Variants in CALN1 observed in about 807,000 individuals in gnomAD.
CALN1 encodes the protein calcium-binding protein 8.
A neutral mutation model predicts 30.6 loss-of-function variants in CALN1; 17 were observed. The observed-to-expected ratio is 0.56, with a 90% CI of 0.38 to 0.83. The LOEUF is 0.83. Ranked by LOEUF, CALN1 falls within the 40% of genes least tolerant of loss-of-function variation. The pLI, the probability that CALN1 is intolerant of heterozygous loss-of-function variation, is 0.00. For synonymous variants in CALN1, 156 were observed against 131.4 expected (o/e 1.19, Z -1.28); for missense variants, 291 against 354.9 (o/e 0.82, Z 1.45).
At position 72,350,621 on chromosome 7, in the gene CALN1, C is replaced by G. The variant is rs1032184289; in HGVS notation, c.119+52630G>C. On this transcript the variant is annotated intron_variant, in intron 2 of 6. Coordinates refer to ENST00000395275, the MANE Select transcript of CALN1 (RefSeq NM_031468.4). ...AGGAAGAGAACAACAGACACCAGGGCCTATTTGAGGGTGGAGCAGGAGGAA... is the reference window on the plus strand; with the variant it reads ...AGGAAGAGAACAACAGACACCAGGGGCTATTTGAGGGTGGAGCAGGAGGAA... Among the ~76,000 whole-genome samples the G allele has an allele frequency of 5.3e-5, 8 of 152,098 alleles. No homozygotes were observed. In the East Asian group the frequency reaches 9.7e-4, roughly 18 times the overall value.
chr7:72,163,978 T>C (rs1436165316), intron 3 of CALN1, among the ~76,000 whole-genome samples: 1 of 150,978 alleles, frequency 6.6e-6, no homozygotes, highest in Non-Finnish European at 1.5e-5. Flanking sequence ...AGAAAGGAGA[T>C]AAAAGATCAA....
intron 5 of CALN1, among the ~76,000 whole-genome samples, chr7:71,925,316 T>G (rs1795208764): frequency 6.6e-6 from 1 of 151,396 alleles, no homozygotes; most frequent in African/African-American, 2.4e-5. Flanking sequence ...GAAGAAAGAT[T>G]GATTTATATT....
intron 3 of CALN1, among the ~76,000 whole-genome samples, chr7:72,163,770 T>C (rs945410380): frequency 5.3e-5 from 8 of 152,140 alleles, no homozygotes; most frequent in African/African-American, 1.4e-4. Flanking sequence ...AACATATTGA[T>C]GGAGATTCAG....
intron 3 of CALN1, among the ~76,000 whole-genome samples, chr7:72,207,085 A>G (rs1449560162): frequency 6.6e-6 from 1 of 152,222 alleles, no homozygotes; most frequent in African/African-American, 2.4e-5. Context: ...CCAGAAAGAA[A>G]AAGATGCTAA....
At chr7:72,260,687 A>G (rs1796205525) in intron 3 of CALN1, among the ~76,000 whole-genome samples, 1 of 152,034 alleles carries the variant, frequency 6.6e-6, no homozygotes, top group Non-Finnish European at 1.5e-5. Context: ...GGTGCTGGCT[A>G]AGCCATTGCA....
intron 5 of CALN1, among the ~76,000 whole-genome samples, chr7:71,932,952 G>A (rs1026957815): frequency 1.3e-5 from 2 of 152,088 alleles, no homozygotes; most frequent in African/African-American, 4.8e-5. Flanking sequence ...ATTGATGTAG[G>A]AGTTAAGAAG....
chr7:71,903,283 A>G (rs1281672232), intron 5 of CALN1, among the ~76,000 whole-genome samples: 1 of 152,144 alleles, frequency 6.6e-6, no homozygotes, highest in Non-Finnish European at 1.5e-5. Context: ...CAGGCATCAC[A>G]TTACCTAACT....
intron 4 of CALN1, among the ~76,000 whole-genome samples, chr7:72,058,723 A>T (rs1293482981): frequency 1.3e-5 from 2 of 152,240 alleles, no homozygotes; most frequent in Non-Finnish European, 2.9e-5. Flanking sequence ...GAACTGAAAT[A>T]GTGGAGAAGA....
chr7:72,385,707 C>G (rs960232196), intron 2 of CALN1, among the ~76,000 whole-genome samples: 2 of 152,140 alleles, frequency 1.3e-5, no homozygotes, highest in African/African-American at 4.8e-5. Flanking sequence ...TTCCCCCCTG[C>G]TGTTCTTGTG....
At chr7:72,327,566 A>T (rs1268427624) in intron 2 of CALN1, among the ~76,000 whole-genome samples, 1 of 152,246 alleles carries the variant, frequency 6.6e-6, no homozygotes, top group Non-Finnish European at 1.5e-5. Context: ...TAGTTGTAAC[A>T]AATATGACAC....
intron 1 of CALN1, among the ~76,000 whole-genome samples, chr7:72,440,721 G>A (rs1013395489): frequency 2.0e-5 from 3 of 152,168 alleles, no homozygotes; most frequent in African/African-American, 7.2e-5. Context: ...CAGCTACTCC[G>A]GAGGCTGAAA....
chr7:72,259,378 C>T (rs1796126203), intron 3 of CALN1, among the ~76,000 whole-genome samples: 1 of 152,096 alleles, frequency 6.6e-6, no homozygotes, highest in Non-Finnish European at 1.5e-5. Flanking sequence ...CAGTTCTCAT[C>T]ACCATTCCAC....
chr7:71,898,911 G>C (rs1426969019), intron 5 of CALN1, among the ~76,000 whole-genome samples: 1 of 152,082 alleles, frequency 6.6e-6, no homozygotes, highest in Non-Finnish European at 1.5e-5. Flanking sequence ...ATTTATTCCA[G>C]AAATAAGGGG....
rs202066538 is a variant in CALN1 at position 72,054,510 on chromosome 7, CAT to C, written c.389-30743_389-30742del. On this transcript the variant is annotated intron_variant, in intron 4 of 6. Coordinates refer to ENST00000395275, the MANE Select transcript of CALN1 (RefSeq NM_031468.4). ...ATATATACATATATACATATATATA[CAT>C]ATATATACATATATACATACATATA... Among the ~76,000 whole-genome samples the C allele has an allele frequency of 3.6e-4, 30 of 82,556 alleles. 1 individual carries two copies. The highest frequency in any genetic ancestry group is 1.3e-3 in the African/African-American group (18 of 13,552). 54.2% of individuals were successfully genotyped at this position (82,556 alleles called of 152,430 possible). A position where few individuals can be genotyped will look rare whatever the true frequency, so the allele number is the denominator to read the frequency against.
At chr7:72,468,031 T>C in the CALN1 span, among the ~76,000 whole-genome samples, 8 of 152,246 alleles carry the variant, frequency 5.3e-5, no homozygotes, top group African/African-American at 1.9e-4. Context: ...TTCTTTCACC[T>C]AGCATGTTTT....
chr7:71,903,482 G>A (rs1793971686), intron 5 of CALN1, among the ~76,000 whole-genome samples: 1 of 152,202 alleles, frequency 6.6e-6, no homozygotes, highest in Admixed American at 6.5e-5. Context: ...AATGGTGTTG[G>A]GAAAACTGGA....
At chr7:72,119,052 A>T (rs367586191) in intron 3 of CALN1, among the ~76,000 whole-genome samples, 1 of 152,256 alleles carries the variant, frequency 6.6e-6, no homozygotes, top group South Asian at 2.1e-4. Context: ...ACATCAAAAT[A>T]TTAACAGTGA....
At chr7:72,445,828 C>T (rs186184712) in intron 1 of CALN1, among the ~76,000 whole-genome samples, 2 of 152,134 alleles carry the variant, frequency 1.3e-5, no homozygotes, top group African/African-American at 4.8e-5. Context: ...GCGGTAACTA[C>T]CGTTCATGGA....
At chr7:72,191,973 C>T (rs905035773) in intron 3 of CALN1, among the ~76,000 whole-genome samples, 2 of 152,030 alleles carry the variant, frequency 1.3e-5, no homozygotes, top group Admixed American at 6.6e-5. Context: ...ACTTCGATGG[C>T]GATTACCTTT....
Sources: allele counts gnomAD v4.1 joint callset (sites outside exome capture counted in the v4.1 genomes callset), GRCh38; gene constraint gnomAD v4.1.1; transcripts MANE v1.5; gene names NCBI Gene and HGNC (gene_info 2026-07-23, HGNC 2026-07-21).